The following KALRN variants were observed in gnomAD, a reference collection of about 807,000 sequenced individuals.
The protein encoded by KALRN is kalirin RhoGEF kinase.
In KALRN, 70 loss-of-function variants were observed where a neutral mutation model predicts 353.7. The ratio of observed to expected loss-of-function variants is 0.20; its 90% CI spans 0.16 to 0.24. The LOEUF (loss-of-function observed/expected upper bound fraction) is 0.24. KALRN is among the 10% of genes least tolerant of loss of function. The probability of loss-of-function intolerance (pLI) is 1.00; values close to 1 mark genes in which losing one functional copy is unlikely to be tolerated. For missense variants in KALRN, 2,791 were observed against 3,756.7 expected (o/e 0.74, Z 6.72); for synonymous variants, 1,391 against 1,434.8 (o/e 0.97, Z 0.69).
chr3:124,319,855 A>G (rs572369374), intron 6 of KALRN, among the ~76,000 whole-genome samples: 9 of 152,096 alleles, frequency 5.9e-5, no homozygotes, highest in Non-Finnish European at 1.0e-4. Flanking sequence ...TTAGCCAGGC[A>G]TGGTGACATG....
rs184388492 is a variant in KALRN, at chr3:124,542,381, T to A, written c.4936-20462T>A. Among the ~76,000 whole-genome samples, 3 of 152,308 alleles carry A rather than the reference T, an allele frequency of 2.0e-5. No individual in the cohort carries two copies. In the East Asian group the frequency reaches 5.8e-4, roughly 29 times the overall value. On this transcript the variant is annotated intron_variant, in intron 33 of 59. Transcript: ENST00000682506. ...TAAGGGTTAAATGAAATGATACACA[T>A]GAAAACACTTTGTCAACTATGAAGC...
chr3:124,524,982 G>A (rs531143957), intron 33 of KALRN, among the ~76,000 whole-genome samples: 1 of 152,294 alleles, frequency 6.6e-6, no homozygotes, highest in East Asian at 1.9e-4. Context: ...TTTAGATTGG[G>A]CTTCGTGAAT....
At chr3:124,560,585 T>C (rs1035366775) in intron 33 of KALRN, among the ~76,000 whole-genome samples, 13 of 152,182 alleles carry the variant, frequency 8.5e-5, no homozygotes, top group African/African-American at 3.1e-4. Flanking sequence ...GTGTATTTCT[T>C]ACAGAGCACT....
At chr3:124,503,226 A>G (rs1413980889) in intron 33 of KALRN, among the ~76,000 whole-genome samples, 1 of 152,162 alleles carries the variant, frequency 6.6e-6, no homozygotes, top group African/African-American at 2.4e-5. Flanking sequence ...ATATAATTGC[A>G]CTTCCTGTTA....
At chr3:124,116,465 T>C (rs1325113912) in intron 1 of KALRN, among the ~76,000 whole-genome samples, 4 of 152,234 alleles carry the variant, frequency 2.6e-5, no homozygotes, top group Non-Finnish European at 5.9e-5. Flanking sequence ...ATAAGTTAAG[T>C]GACTTGACAA....
intron 10 of KALRN, among the ~76,000 whole-genome samples, chr3:124,354,499 AG>A (rs2083173026): frequency 6.6e-6 from 1 of 152,194 alleles, no homozygotes; most frequent in Non-Finnish European, 1.5e-5. Context: ...TTTAAAGTTG[AG>A]GGAGAAAATT....
chr3:124,656,467 C>G (rs946645879), intron 39 of KALRN, among the ~76,000 whole-genome samples: 1 of 152,006 alleles, frequency 6.6e-6, no homozygotes, highest in Non-Finnish European at 1.5e-5. Context: ...AAAAATTAGC[C>G]GGGCGTGGTG....
At chr3:124,113,819 T>C (rs981138545) in intron 1 of KALRN, among the ~76,000 whole-genome samples, 5 of 152,182 alleles carry the variant, frequency 3.3e-5, no homozygotes, top group Non-Finnish European at 7.3e-5. Flanking sequence ...CCCAGAATAA[T>C]AAATACATGA....
At chr3:124,190,654 G>A (rs2074800217) in intron 1 of KALRN, among the ~76,000 whole-genome samples, 1 of 152,200 alleles carries the variant, frequency 6.6e-6, no homozygotes, top group African/African-American at 2.4e-5. Flanking sequence ...GGGTGGGAAA[G>A]GTGTATTAGG....
At chr3:124,642,817 T>TG (rs2082238195) in intron 37 of KALRN, among the ~76,000 whole-genome samples, 1 of 76,136 alleles carries the variant, frequency 1.3e-5, no homozygotes, top group African/African-American at 5.5e-5. Context: ...TTTTTTTTTT[T>TG]TTTTTTTTTG....
intron 1 of KALRN, among the ~76,000 whole-genome samples, chr3:124,184,448 T>C (rs1203701669): frequency 6.6e-6 from 1 of 152,164 alleles, no homozygotes; most frequent in Non-Finnish European, 1.5e-5. Flanking sequence ...TGGAATAAAT[T>C]CCCAACTCGT....
At chr3:124,152,972 A>G in intron 1 of KALRN, 1 of 219,648 alleles carries the variant, frequency 4.6e-6, no homozygotes, top group Non-Finnish European at 9.0e-6. Context: ...CCTTTGTGCA[A>G]ACTTCTTTCT....
At chr3:124,268,705 C>T in intron 4 of KALRN, 38 bp from the exon 5 acceptor site, 1 of 1,603,974 alleles carries the variant, frequency 6.2e-7, no homozygotes, top group East Asian at 2.2e-5. Flanking sequence ...CTTCCCCTGA[C>T]ATCACTGAGT....
intron 1 of KALRN, among the ~76,000 whole-genome samples, chr3:124,199,617 A>G (rs1579289816): frequency 6.6e-6 from 1 of 152,222 alleles, no homozygotes; most frequent in East Asian, 1.9e-4. Context: ...ATTAGATGCA[A>G]TCCTTTTTTC....
At chr3:124,600,171 A>C (rs1416269894) in intron 34 of KALRN, among the ~76,000 whole-genome samples, 1 of 152,232 alleles carries the variant, frequency 6.6e-6, no homozygotes, top group Non-Finnish European at 1.5e-5. Context: ...ATCCCAAGGG[A>C]CTGTTGGAGT....
At chr3:124,351,426 G>A (rs1165206570) in intron 10 of KALRN, among the ~76,000 whole-genome samples, 1 of 152,124 alleles carries the variant, frequency 6.6e-6, no homozygotes, top group African/African-American at 2.4e-5. Context: ...CTTTACCTGA[G>A]GCTGATAATG....
intron 1 of KALRN, among the ~76,000 whole-genome samples, chr3:124,141,023 A>G (rs1484748212): frequency 6.6e-6 from 1 of 152,156 alleles, no homozygotes; most frequent in African/African-American, 2.4e-5. Flanking sequence ...ATGTGATACC[A>G]TCATGTTCTT....
chr3:124,445,120 A>G (rs2093795279), intron 19 of KALRN, among the ~76,000 whole-genome samples: 1 of 152,130 alleles, frequency 6.6e-6, no homozygotes. Flanking sequence ...TCCTATCTGA[A>G]CAACCCTGAG....
In KALRN at chr3:124,366,861, G is replaced by T. The variant is rs1289251358; in HGVS notation, c.1771-17984G>T. ...GACCCCCCCACCTCCCTCCCGGACGGGGCGGCTGGCCGGGCGGGGGGCTGA... is the reference window on the plus strand; with the variant it reads ...GACCCCCCCACCTCCCTCCCGGACGTGGCGGCTGGCCGGGCGGGGGGCTGA... On this transcript the variant is annotated intron_variant, in intron 10 of 59. Coordinates refer to ENST00000682506, the MANE Select transcript of KALRN (RefSeq NM_001388419.1). Among the ~76,000 whole-genome samples the T allele has an allele frequency of 9.4e-4, 134 of 143,186 alleles. 6 individuals carry two copies. The East Asian group carries it at 0.027, about 29-fold the overall frequency. 93.9% of individuals were successfully genotyped at this position (143,186 alleles called of 152,430 possible). A position where few individuals can be genotyped will look rare whatever the true frequency, so the allele number is the denominator to read the frequency against.
Sources: allele counts gnomAD v4.1 joint callset (sites outside exome capture counted in the v4.1 genomes callset), GRCh38; gene constraint gnomAD v4.1.1; transcripts MANE v1.5; gene names NCBI Gene and HGNC (gene_info 2026-07-23, HGNC 2026-07-21).